FHDC1: variants seen among roughly 807,000 people sequenced by gnomAD.
The protein encoded by FHDC1 is FH2 domain-containing protein 1.
FHDC1 carries 25 observed loss-of-function variants against 52.6 expected under a neutral mutation model. The ratio of observed to expected loss-of-function variants is 0.48; its 90% CI spans 0.35 to 0.66. The LOEUF (loss-of-function observed/expected upper bound fraction) is 0.66. FHDC1 is among the 30% of genes least tolerant of loss of function. The probability of loss-of-function intolerance (pLI) is 0.01; values close to 1 mark genes in which losing one functional copy is unlikely to be tolerated. For synonymous variants in FHDC1, 616 were observed against 581.5 expected (o/e 1.06, Z -0.85); for missense variants, 1,459 against 1,452.8 (o/e 1.00, Z -0.07).
rs142519378 is a variant in FHDC1, at chr4:152,975,932, C to T, written c.2641C>T (p.Arg881Trp). Residue 881 changes from arginine to tryptophan, a missense_variant, in exon 12 of 12, where the codon CGG becomes TGG. Arg to Trp is a moderately radical substitution (Grantham distance 101, BLOSUM62 -3). Around this residue, in one of 3 missense-constraint regions of FHDC1, gnomAD observed 939 missense variants for 854.5 expected, o/e 1.10. Transcript: ENST00000511601. The stretch of plus-strand genomic sequence containing the variant: ...CGGGGCCTCCAAGCCCGGGAGCGCC[C>T]GGCGGAGCCAGGGGGCAGTGGCCAA... ...SPGASKPGSA[R>W]RSQGAVAKSV... 3,024 of 1,513,916 alleles carry T rather than the reference C, an allele frequency of 2.0e-3. 5 individuals are homozygous for T. Among genetic ancestry groups the T allele is most frequent in the Non-Finnish European group, 2.5e-3 (2,798 of 1,133,454 alleles). The allele number at this position is 1,513,916 out of a possible 1,614,324, so 93.8% of individuals were successfully genotyped here. A position where few individuals can be genotyped will look rare whatever the true frequency, so the allele number is the denominator to read the frequency against.
At chr4:152,953,157 C>G (rs80286802) in intron 2 of FHDC1, among the ~76,000 whole-genome samples, 1 of 151,796 alleles carries the variant, frequency 6.6e-6, no homozygotes, top group Non-Finnish European at 1.5e-5. Context: ...AAAGAAAATG[C>G]ATTTCATATC....
chr4:152,974,574 C>G, intron 11 of FHDC1, 101 bp from the exon 12 acceptor site: 1 of 1,473,096 alleles, frequency 6.8e-7, no homozygotes, highest in Non-Finnish European at 9.0e-7. Context: ...GAGCTCCCCT[C>G]CATGCCTGTA....
intron 1 of FHDC1, among the ~76,000 whole-genome samples, chr4:152,941,731 G>A (rs925277595): frequency 6.6e-6 from 1 of 152,202 alleles, no homozygotes; most frequent in African/African-American, 2.4e-5. Context: ...GTTTACTTCT[G>A]TGTAGTCTAA....
At chr4:152,961,011 C>T (rs1250009023) in intron 6 of FHDC1, among the ~76,000 whole-genome samples, 167 bp downstream of exon 6, 1 of 152,218 alleles carries the variant, frequency 6.6e-6, no homozygotes, top group Non-Finnish European at 1.5e-5. Flanking sequence ...TTTCCATTGA[C>T]ATTTTTCCCC....
At position 152,964,989 on chromosome 4, in the gene FHDC1, T is replaced by C. The variant is rs753218731; in HGVS notation, c.1100+14T>C. 15 of 1,598,150 alleles carry C rather than the reference T, an allele frequency of 9.4e-6. No individual in the cohort carries two copies. The highest frequency in any genetic ancestry group is 1.3e-5 in the Non-Finnish European group (15 of 1,173,928). On this transcript the variant is annotated intron_variant, in intron 9 of 11. Transcript: ENST00000511601. Reference sequence around the variant, plus strand: ...GAAGACTGCTAGGTGAGCAAGTGAATTGTGAGAATTCAAGATTCTTTACCT... The same window carrying C: ...GAAGACTGCTAGGTGAGCAAGTGAACTGTGAGAATTCAAGATTCTTTACCT...
At chr4:152,931,081 GT>G in the FHDC1 span, among the ~76,000 whole-genome samples, 1 of 149,896 alleles carries the variant, frequency 6.7e-6, no homozygotes, top group Non-Finnish European at 1.5e-5. Context: ...GTGTGTTATG[GT>G]TTCAAATTAC....
intron 2 of FHDC1, among the ~76,000 whole-genome samples, chr4:152,951,886 A>T (rs1227284933): frequency 2.0e-5 from 3 of 152,216 alleles, no homozygotes; most frequent in Non-Finnish European, 2.9e-5. Context: ...TTCTAGTCTG[A>T]TAAAGCCACC....
chr4:152,945,112 T>G (rs1365599004), intron 2 of FHDC1, among the ~76,000 whole-genome samples: 1 of 152,094 alleles, frequency 6.6e-6, no homozygotes, highest in Non-Finnish European at 1.5e-5. Flanking sequence ...GGTGGCATCG[T>G]TTGTGAATTG....
At chr4:152,949,170 A>C (rs12642251) in intron 2 of FHDC1, among the ~76,000 whole-genome samples, 12,720 of 141,122 alleles carry the variant, frequency 0.09, 627 homozygotes, top group Middle Eastern at 0.14. Flanking sequence ...GAAGAAGAAG[A>C]AGCAGAAGAA....
In FHDC1 at chr4:152,953,517, A is replaced by G; in HGVS notation, c.517A>G (p.Lys173Glu). Residue 173 changes from lysine (K) to glutamate (E), a missense_variant, in exon 3 of 12, where the codon AAA (lysine) becomes GAA (glutamate). Lys to Glu is a moderately conservative substitution (Grantham distance 56). Transcript: ENST00000511601. ...TTTCCAGATTACTATTTTGGATGCA[A>G]AACGGAGCATGAACATTGGGATATT... Reference protein sequence around the residue: ...AREEITILDAKRSMNIGIFLK... With the variant: ...AREEITILDAERSMNIGIFLK... 6.2e-7 allele frequency: 1 copy of G among 1,612,654 alleles called. No individual in the cohort carries two copies.
rs763861475 is a variant in FHDC1 at position 152,975,612 on chromosome 4, C to G, written c.2321C>G (p.Ser774Trp). Residue 774 changes from serine to tryptophan, a missense_variant, in exon 12 of 12, where the codon TCG becomes TGG. Ser to Trp is a radical substitution (Grantham distance 177). Transcript: ENST00000511601. ...GATCCTAGACCTCTGTTCTGCATCT[C>G]GGACACCACCGACTGCTCACTGACC... ...NKDPRPLFCI[S>W]DTTDCSLTLD... 14 of 1,613,604 alleles carry G rather than the reference C, an allele frequency of 8.7e-6. No homozygotes were observed. The South Asian group carries it at 1.3e-4, about 15-fold the overall frequency.
At chr4:152,971,381 T>A (rs1285509818) in intron 10 of FHDC1, among the ~76,000 whole-genome samples, 2 of 152,132 alleles carry the variant, frequency 1.3e-5, no homozygotes, top group African/African-American at 4.8e-5. Context: ...TCAGTGTGAT[T>A]CCAAATGTTC....
Position 152,976,943 on chromosome 4 carries a change from A to G in FHDC1, c.*220A>G, listed in dbSNP as rs1365689063. The G allele has an allele frequency of 4.5e-6, 2 of 445,642 alleles. No individual in the cohort carries two copies. Among genetic ancestry groups the G allele is most frequent in the Non-Finnish European group, 7.5e-6 (2 of 266,344 alleles). 27.6% of individuals were successfully genotyped at this position (445,642 alleles called of 1,614,324 possible). ...CCAGCGTCCAGATGGATGCACGTTC[A>G]CTACTGTGACGGCCGCACCTCCCCC... On this transcript the variant is annotated 3_prime_UTR_variant, in exon 12 of 12. Transcript: ENST00000511601.
Position 152,964,221 on chromosome 4 carries a change from AC to A in FHDC1, c.1030-682del, listed in dbSNP as rs1740385239. 2.6e-5 allele frequency among the ~76,000 whole-genome samples: 4 copies of A among 152,270 alleles called. No individual in the cohort carries two copies. In the South Asian group the frequency reaches 8.3e-4, roughly 32 times the overall value. On this transcript the variant is annotated intron_variant, in intron 8 of 11. Transcript: ENST00000511601. Reference sequence around the variant, plus strand: ...GCCTATGGTGAGCTCTCCATAAATAACCATACACACTATTATTACTATATTC... The same window carrying A: ...GCCTATGGTGAGCTCTCCATAAATAACATACACACTATTATTACTATATTC...
intron 8 of FHDC1, 77 bp downstream of exon 8, chr4:152,963,207 G>A: frequency 7.8e-7 from 1 of 1,289,228 alleles, no homozygotes; most frequent in Non-Finnish European, 1.1e-6. Context: ...CCAGGCATAA[G>A]ATGGTGTCCA....
chr4:152,931,455 A>AACACACACACAC (rs56142204), upstream of FHDC1, among the ~76,000 whole-genome samples: 1 of 127,224 alleles, frequency 7.9e-6, no homozygotes, highest in East Asian at 2.3e-4. Context: ...CAGCCTCTAA[A>AACACACACACAC]ACACACACAC....
intron 11 of FHDC1, among the ~76,000 whole-genome samples, chr4:152,973,543 C>T (rs1406862913): frequency 6.6e-6 from 1 of 152,232 alleles, no homozygotes; most frequent in Non-Finnish European, 1.5e-5. Flanking sequence ...TGTGAGGCCA[C>T]CTGTGTGATG....
chr4:152,973,726 C>T (rs1740748206), intron 11 of FHDC1, among the ~76,000 whole-genome samples: 1 of 152,260 alleles, frequency 6.6e-6, no homozygotes, highest in Admixed American at 6.5e-5. Context: ...GAAAGGCCAT[C>T]ATTGGAGGAA....
chr4:152,912,109 GT>G, the FHDC1 span: 1 of 151,932 alleles, frequency 6.6e-6, no homozygotes, highest in Admixed American at 6.6e-5. Context: ...TTCAATAACA[GT>G]TACTGTAGCT....
Sources: allele counts gnomAD v4.1 joint callset (sites outside exome capture counted in the v4.1 genomes callset), GRCh38; gene constraint gnomAD v4.1.1; regional missense constraint gnomAD v4.1.1; transcripts MANE v1.5; gene names NCBI Gene and HGNC (gene_info 2026-07-23, HGNC 2026-07-21).